INSIG2: variants seen among roughly 807,000 people sequenced by gnomAD.
INSIG2 encodes insulin induced gene 2, also known as insulin-induced gene 2 protein.
A neutral mutation model predicts 27.2 loss-of-function variants in INSIG2; 10 were observed. That is an observed-to-expected ratio of 0.37 (90% CI 0.23 to 0.62). The LOEUF (loss-of-function observed/expected upper bound fraction) is 0.62. INSIG2 is among the 20% of genes least tolerant of loss of function. INSIG2 has a pLI of 0.65. For synonymous variants in INSIG2, 97 were observed against 95.8 expected (o/e 1.01, Z -0.07); for missense variants, 178 against 270.2 (o/e 0.66, Z 2.39).
At chr2:118,090,800 C>A (rs1011878544) in intron 1 of INSIG2, among the ~76,000 whole-genome samples, 3 of 152,220 alleles carry the variant, frequency 2.0e-5, no homozygotes, top group Admixed American at 6.5e-5. Flanking sequence ...GCAGGAAGAA[C>A]TCCGGACATG....
In INSIG2 at chr2:118,108,471, T is replaced by TAC. The variant is rs879544679; in HGVS notation, c.*159_*160dup. The TAC allele has an allele frequency of 2.4e-5, 13 of 544,784 alleles. No homozygotes were observed. Among genetic ancestry groups the TAC allele is most frequent in the Admixed American group, 1.2e-4 (3 of 25,370 alleles). 33.7% of individuals were successfully genotyped at this position (544,784 alleles called of 1,614,324 possible). On this transcript the variant is annotated 3_prime_UTR_variant, in exon 6 of 6. Transcript: ENST00000245787. ...GTGTATATATGGATAAATATATATA[T>TAC]ACACACACACATATTACTGCAATCT...
At chr2:118,104,719 T>C (rs1678631354) in intron 3 of INSIG2, among the ~76,000 whole-genome samples, 1 of 152,150 alleles carries the variant, frequency 6.6e-6, no homozygotes, top group Non-Finnish European at 1.5e-5. Context: ...CTGACTAAAG[T>C]CTAGAAACAT....
chr2:118,093,845 A>G (rs1678329306), intron 1 of INSIG2, among the ~76,000 whole-genome samples: 1 of 111,978 alleles, frequency 8.9e-6, no homozygotes, highest in Non-Finnish European at 1.8e-5. Context: ...GCTGAAAGCA[A>G]CCAGATGATG....
chr2:118,094,407 T>G (rs1678360257), intron 1 of INSIG2, among the ~76,000 whole-genome samples: 2 of 140,952 alleles, frequency 1.4e-5, no homozygotes, highest in Non-Finnish European at 3.1e-5. Context: ...CTGTAGCTAC[T>G]GAACCTTGCT....
chr2:118,098,351 G>A (rs1559509), intron 2 of INSIG2, among the ~76,000 whole-genome samples: 37,387 of 151,996 alleles, frequency 0.25, 4,740 homozygotes, highest in African/African-American at 0.28. Flanking sequence ...GGGTTCTGTA[G>A]AGCAACTTTG....
At position 118,108,233 on chromosome 2, in the gene INSIG2, C is replaced by A; in HGVS notation, c.637-48C>A. Reference sequence around the variant, plus strand: ...TTCAGTTTATTTGGAAGTTGCTATTCAAAAGAAGTCTTAATCTGTTAACCT... The same window carrying A: ...TTCAGTTTATTTGGAAGTTGCTATTAAAAAGAAGTCTTAATCTGTTAACCT... On this transcript the variant is annotated intron_variant, in intron 5 of 5. Coordinates refer to ENST00000245787, the MANE Select transcript of INSIG2 (RefSeq NM_016133.4). The A allele has an allele frequency of 3.1e-6, 4 of 1,298,574 alleles. No homozygotes were observed. In the South Asian group the frequency reaches 4.0e-5, roughly 13 times the overall value. 80.4% of individuals were successfully genotyped at this position (1,298,574 alleles called of 1,614,324 possible).
At chr2:118,094,010 AGATGATGATGAT>A (rs372312794) in intron 1 of INSIG2, among the ~76,000 whole-genome samples, 10 of 11,654 alleles carry the variant, frequency 8.6e-4, no homozygotes, top group Admixed American at 3.1e-3. Context: ...AAAAGCAACC[AGATGATGATGAT>A]GATGATGATG....
rs1487485104 is a variant in INSIG2 at position 118,110,305 on chromosome 2, G to T, written c.*1983G>T. ...AGTTGATGAACACATATTGTGTATG[G>T]TATATGTATTATATACTGTTTTCTT... On this transcript the variant is annotated 3_prime_UTR_variant, in exon 6 of 6. Coordinates refer to ENST00000245787, the MANE Select transcript of INSIG2 (RefSeq NM_016133.4). 6.6e-6 allele frequency: 1 copy of T among 152,148 alleles called. No homozygotes were observed. Among genetic ancestry groups the T allele is most frequent in the Non-Finnish European group, 1.5e-5 (1 of 68,038 alleles). The allele number at this position is 152,148 out of a possible 1,614,324, so 9.4% of individuals were successfully genotyped here.
In INSIG2 at chr2:118,108,944, A is replaced by T. The variant is rs1678744645; in HGVS notation, c.*622A>T. On this transcript the variant is annotated 3_prime_UTR_variant, in exon 6 of 6. Coordinates refer to ENST00000245787, the MANE Select transcript of INSIG2 (RefSeq NM_016133.4). The stretch of plus-strand genomic sequence containing the variant: ...TCTGGTTTCAAACCTGCGTTACTGG[A>T]GACAGCCCAAAGAGTAATTTTCTGT... The T allele has an allele frequency of 6.6e-6, 1 of 152,196 alleles. No individual in the cohort carries two copies. The highest frequency in any genetic ancestry group is 1.5e-5 in the Non-Finnish European group (1 of 68,038). The allele number at this position is 152,196 out of a possible 1,614,324, so 9.4% of individuals were successfully genotyped here. A position where few individuals can be genotyped will look rare whatever the true frequency, so the allele number is the denominator to read the frequency against.
At chr2:118,092,811 TGATGAG>T (rs1678286775) in intron 1 of INSIG2, among the ~76,000 whole-genome samples, 1 of 151,846 alleles carries the variant, frequency 6.6e-6, no homozygotes, top group South Asian at 2.1e-4. Context: ...ATGATGATGA[TGATGAG>T]GAGGAGAGTT....
At position 118,105,372 on chromosome 2, in the gene INSIG2, A is replaced by G. The variant is rs563824293; in HGVS notation, c.370-1365A>G. Among the ~76,000 whole-genome samples the G allele has an allele frequency of 3.3e-5, 5 of 152,258 alleles. No homozygotes were observed. The East Asian group carries it at 7.7e-4, about 24-fold the overall frequency. ...GCACTATTTTAAGATTGATATATCT[A>G]TTTACGCTGGAAGCCTCCTTACTTC... On this transcript the variant is annotated intron_variant, in intron 3 of 5. Coordinates refer to ENST00000245787, the MANE Select transcript of INSIG2 (RefSeq NM_016133.4).
chr2:118,103,618 A>G (rs1027026378), intron 3 of INSIG2, among the ~76,000 whole-genome samples: 4 of 152,236 alleles, frequency 2.6e-5, no homozygotes, highest in African/African-American at 9.6e-5. Flanking sequence ...AGTTAATCCA[A>G]AAATGGAACA....
intron 5 of INSIG2, among the ~76,000 whole-genome samples, chr2:118,107,720 G>A: frequency 6.6e-6 from 1 of 152,122 alleles, no homozygotes; most frequent in East Asian, 1.9e-4. Flanking sequence ...TGTATTTTTG[G>A]TAAAATAGCC....
At chr2:118,106,147 A>G (rs577365833) in intron 3 of INSIG2, among the ~76,000 whole-genome samples, 5 of 152,348 alleles carry the variant, frequency 3.3e-5, no homozygotes, top group African/African-American at 1.2e-4. Context: ...AATTAAAACT[A>G]GAACAGTTGA....
intron 3 of INSIG2, among the ~76,000 whole-genome samples, 196 bp downstream of exon 3, chr2:118,103,517 A>G (rs1346059671): frequency 6.6e-6 from 1 of 152,166 alleles, no homozygotes; most frequent in Non-Finnish European, 1.5e-5. Flanking sequence ...CTTTCATTTC[A>G]TTGTGTATTT....
intron 2 of INSIG2, among the ~76,000 whole-genome samples, chr2:118,100,428 G>T (rs1445055921): frequency 7.3e-6 from 1 of 136,400 alleles, no homozygotes; most frequent in Non-Finnish European, 1.5e-5. Flanking sequence ...ACCTGGGCTG[G>T]AGTGCAGTGG....
chr2:118,103,828 T>A (rs1020353673), intron 3 of INSIG2, among the ~76,000 whole-genome samples: 16 of 152,118 alleles, frequency 1.1e-4, no homozygotes, highest in Admixed American at 1.3e-4. Flanking sequence ...AACTTAGACC[T>A]TGGCCAAAAA....
chr2:118,097,036 C>T lies in INSIG2; in HGVS notation c.244+236C>T, dbSNP rs1314515047. ...ATTTCCATCACCCTCCAGAGTCTCT[C>T]GTGTCCTCTTGCAGTCCATTCCCCA... is the stretch of plus-strand genomic sequence containing the variant. On this transcript the variant is annotated intron_variant, in intron 2 of 5. Transcript: ENST00000245787. 8.5e-5 allele frequency among the ~76,000 whole-genome samples: 13 copies of T among 152,190 alleles called. 1 individual carries two copies. The highest frequency in any genetic ancestry group is 8.5e-4 in the Admixed American group (13 of 15,278).
At chr2:118,101,583 T>C (rs1289485263) in intron 2 of INSIG2, among the ~76,000 whole-genome samples, 2 of 152,060 alleles carry the variant, frequency 1.3e-5, no homozygotes, top group Non-Finnish European at 2.9e-5. Context: ...GGTGGGGGGA[T>C]GGGGGTGACA....
Sources: allele counts gnomAD v4.1 joint callset (sites outside exome capture counted in the v4.1 genomes callset), GRCh38; gene constraint gnomAD v4.1.1; transcripts MANE v1.5; gene names NCBI Gene and HGNC (gene_info 2026-07-23, HGNC 2026-07-21).